RIMBP2: variants seen among roughly 807,000 people sequenced by gnomAD.
RIMBP2 encodes the protein RIMS-binding protein 2.
In RIMBP2, 48 loss-of-function variants were observed where a neutral mutation model predicts 118.6. That is an observed-to-expected ratio of 0.40 (90% confidence interval 0.32 to 0.51). RIMBP2 has a LOEUF of 0.51. Among genes scored for constraint, RIMBP2 ranks in the 20% least tolerant of loss-of-function variants. The pLI is 0.41. For missense variants in RIMBP2, 1,551 were observed against 1,768.3 expected (o/e 0.88, Z 2.20); for synonymous variants, 762 against 742.9 (o/e 1.03, Z -0.42).
At chr12:130,470,628 G>T in intron 6 of RIMBP2, 65 bp downstream of exon 6, 1 of 874,866 alleles carries the variant, frequency 1.1e-6, no homozygotes, top group Non-Finnish European at 1.5e-6. Flanking sequence ...ATTTCTAGCA[G>T]GCATCAGGGC....
rs1006471765 is a variant in RIMBP2 at position 130,525,167 on chromosome 12, C to T, written c.-216-7250G>A. On this transcript the variant is annotated intron_variant, in intron 2 of 22. Coordinates refer to ENST00000690449, the MANE Select transcript of RIMBP2 (RefSeq NM_001393629.1). This position sits in a 1 kb window ranked among gnomAD's most constrained non-coding sequence, Gnocchi z 4.4. Reference sequence around the variant, plus strand: ...CCAAGCATCACAAATGGGCATGAGCCGTTCCTGTAGAGTGCAGGGCAGAAG... The same window carrying T: ...CCAAGCATCACAAATGGGCATGAGCTGTTCCTGTAGAGTGCAGGGCAGAAG... Among the ~76,000 whole-genome samples the T allele has an allele frequency of 6.6e-5, 10 of 152,326 alleles. No homozygotes were observed. The highest frequency in any genetic ancestry group is 1.9e-4 in the East Asian group (1 of 5,172).
Position 130,424,836 on chromosome 12 carries a change from G to A in RIMBP2, c.2435C>T (p.Ser812Leu), listed in dbSNP as rs869174. ...ALKDCTDHRT[S>L]EGTFWEQPEF... ...GGGCTGCTCCCAGAAAGTGCCTTCC[G>A]AGGTCCTATGGTCAGTGCAGTCCTT... Residue 812 changes from serine to leucine, a missense_variant, in exon 16 of 23, where the codon TCG becomes TTG. Ser to Leu is a moderately radical substitution (Grantham distance 145). This residue lies in a region of RIMBP2 where 1,038 missense variants were observed against 1,125.1 expected (regional missense o/e 0.92). Coordinates refer to ENST00000690449, the MANE Select transcript of RIMBP2 (RefSeq NM_001393629.1). The surrounding 1 kb of genome is among the most constrained non-coding windows in gnomAD (Gnocchi z 9.8). 6,711 of 1,232,618 alleles carry A rather than the reference G, an allele frequency of 5.4e-3. 21 individuals carry two copies. The highest frequency in any genetic ancestry group is 0.013 in the Middle Eastern group (41 of 3,214). The allele number at this position is 1,232,618 out of a possible 1,614,324, so 76.4% of individuals were successfully genotyped here.
At chr12:130,705,575 C>T (rs1457857601) in intron 1 of RIMBP2, among the ~76,000 whole-genome samples, 7 of 152,242 alleles carry the variant, frequency 4.6e-5, no homozygotes, top group South Asian at 2.1e-4. Flanking sequence ...TCCTCACTAA[C>T]GAACAACTCA....
At chr12:130,692,859 G>A (rs1221266067) in intron 1 of RIMBP2, among the ~76,000 whole-genome samples, 2 of 133,802 alleles carry the variant, frequency 1.5e-5, no homozygotes, top group Admixed American at 1.4e-4. Context: ...GATAGGGTAG[G>A]GTAGGGTAGG....
chr12:130,412,033 G>A (rs185327424), intron 19 of RIMBP2, among the ~76,000 whole-genome samples: 118 of 152,080 alleles, frequency 7.8e-4, no homozygotes, highest in African/African-American at 2.8e-3. Flanking sequence ...TTTTTTTAAT[G>A]AGGACATTGT....
chr12:130,457,428 T>A (rs959871375), intron 6 of RIMBP2, among the ~76,000 whole-genome samples: 2 of 152,168 alleles, frequency 1.3e-5, no homozygotes, highest in Non-Finnish European at 2.9e-5. Flanking sequence ...CTGTGTCCAG[T>A]CTCGGGACAT....
In RIMBP2 at chr12:130,424,548, C is replaced by T. The variant is rs1448298241; in HGVS notation, c.2723G>A (p.Arg908Gln). 7.3e-6 allele frequency: 9 copies of T among 1,231,980 alleles called. No individual in the cohort carries two copies. The highest frequency in any genetic ancestry group is 8.4e-5 in the Admixed American group (2 of 23,728). The allele number at this position is 1,231,980 out of a possible 1,614,324, so 76.3% of individuals were successfully genotyped here. The change falls in exon 16 of 23, where the codon CGG (arginine) becomes CAG (glutamine). Residue 908 changes from arginine (R) to glutamine (Q), a missense_variant. Physicochemically the swap from Arg to Gln is conservative, Grantham distance 43. Around this residue, in one of 5 missense-constraint regions of RIMBP2, gnomAD observed 1,038 missense variants for 1,125.1 expected, o/e 0.92. Transcript: ENST00000690449. The surrounding 1 kb of genome is among the most constrained non-coding windows in gnomAD (Gnocchi z 9.8). Reference protein sequence around the residue: ...EDFLLEDRGCRFSRSATRSPD... With the variant: ...EDFLLEDRGCQFSRSATRSPD... The stretch of plus-strand genomic sequence containing the variant: ...GCTCCGGGTGGCCGAGCGGCTGAAC[C>T]GACAGCCCCTGTCTTCCAGAAGGAA...
At chr12:130,478,823 G>A (rs887062937) in intron 5 of RIMBP2, 89 bp downstream of exon 5, 55 of 881,630 alleles carry the variant, frequency 6.2e-5, no homozygotes, top group Middle Eastern at 3.5e-4. Flanking sequence ...AGCCAAGGCC[G>A]CAGGTCGGCC....
rs191237119 is a variant in RIMBP2, at chr12:130,647,293, G to C, written c.-351-18837C>G. 2.0e-5 allele frequency among the ~76,000 whole-genome samples: 3 copies of C among 152,284 alleles called. No individual in the cohort carries two copies. In the East Asian group the frequency reaches 5.8e-4, roughly 29 times the overall value. ...CAGGAGACTCTCTTGAACCCGGGGGGTGGAGGTTGCAGTGAGCTGAGATCG... is the reference window on the plus strand; with the variant it reads ...CAGGAGACTCTCTTGAACCCGGGGGCTGGAGGTTGCAGTGAGCTGAGATCG... On this transcript the variant is annotated intron_variant, in intron 1 of 22. Coordinates refer to ENST00000690449, the MANE Select transcript of RIMBP2 (RefSeq NM_001393629.1).
chr12:130,657,717 G>A (rs7962460), intron 1 of RIMBP2: 5,717 of 79,792 alleles, frequency 0.072, 419 homozygotes, highest in African/African-American at 0.19. Flanking sequence ...CAGTGAGGGC[G>A]GAGGATGGAG....
At chr12:130,696,307 G>A (rs2065574591) in intron 1 of RIMBP2, among the ~76,000 whole-genome samples, 1 of 152,236 alleles carries the variant, frequency 6.6e-6, no homozygotes. Flanking sequence ...CCGCTGATGG[G>A]AGTCTGGGGG....
intron 6 of RIMBP2, 51 bp from the exon 7 acceptor site, chr12:130,456,751 A>C (rs2079480601): frequency 7.1e-7 from 1 of 1,402,890 alleles, no homozygotes; most frequent in East Asian, 2.4e-5. Context: ...TGGTGGTGGA[A>C]ATGTGTGTGC....
Position 130,483,174 on chromosome 12 carries a change from CCACTGTGTGTGTACATGTGTCA to C in RIMBP2, c.-3-4180_-3-4159del, listed in dbSNP as rs1360426266. Among the ~76,000 whole-genome samples, 349 of 111,820 alleles carry C rather than the reference CCACTGTGTGTGTACATGTGTCA, an allele frequency of 3.1e-3. 37 individuals carry two copies. The highest frequency in any genetic ancestry group is 9.9e-3 in the African/African-American group (311 of 31,506). 73.4% of individuals were successfully genotyped at this position (111,820 alleles called of 152,430 possible). A position where few individuals can be genotyped will look rare whatever the true frequency, so the allele number is the denominator to read the frequency against. On this transcript the variant is annotated intron_variant, in intron 4 of 22. Coordinates refer to ENST00000690449, the MANE Select transcript of RIMBP2 (RefSeq NM_001393629.1). ...GGGGGCAGACCTCATCCAAATACAC[CCACTGTGTGTGTACATGTGTCA>C]GATTCTGCAGGGGAGGGGGCAGACC...
At chr12:130,428,462 G>A (rs768278112) in intron 14 of RIMBP2, 125 bp from the exon 15 acceptor site, 77 of 951,178 alleles carry the variant, frequency 8.1e-5, no homozygotes, top group Non-Finnish European at 1.1e-4. Context: ...CTAGAGACGG[G>A]CACAGGGTGT....
At chr12:130,603,830 A>G (rs2060005896) in intron 2 of RIMBP2, among the ~76,000 whole-genome samples, 1 of 152,176 alleles carries the variant, frequency 6.6e-6, no homozygotes, top group South Asian at 2.1e-4. Flanking sequence ...AGCACATATG[A>G]TCCTGCAAAG....
intron 1 of RIMBP2, among the ~76,000 whole-genome samples, chr12:130,680,146 A>G (rs529357313): frequency 6.6e-6 from 1 of 152,394 alleles, no homozygotes; most frequent in South Asian, 2.1e-4. Context: ...CTCATGCATT[A>G]TTGGTGGGAG....
In RIMBP2 at chr12:130,417,402, G is replaced by A. The variant is rs75205481; in HGVS notation, c.3239-3096C>T. On this transcript the variant is annotated intron_variant, in intron 17 of 22. Coordinates refer to ENST00000690449, the MANE Select transcript of RIMBP2 (RefSeq NM_001393629.1). ...CGTATACCACATGGAATGCTATGCA[G>A]CCAGAGAAATGAACAAAATCACGTC... is the stretch of plus-strand genomic sequence containing the variant. Among the ~76,000 whole-genome samples the A allele has an allele frequency of 5.9e-3, 897 of 152,348 alleles. 12 individuals are homozygous for A. Among genetic ancestry groups the A allele is most frequent in the African/African-American group, 0.021 (857 of 41,578 alleles).
At chr12:130,449,632 A>G (rs1004542061) in intron 9 of RIMBP2, among the ~76,000 whole-genome samples, 3 of 151,830 alleles carry the variant, frequency 2.0e-5, no homozygotes, top group African/African-American at 7.3e-5. Context: ...GCACTCATGG[A>G]CCAACCCCTG....
intron 2 of RIMBP2, among the ~76,000 whole-genome samples, chr12:130,561,287 G>A (rs1400638338): frequency 6.6e-6 from 1 of 152,164 alleles, no homozygotes; most frequent in African/African-American, 2.4e-5. Flanking sequence ...GGCAGCACTA[G>A]CAAATGAATA....
Sources: allele counts gnomAD v4.1 joint callset (sites outside exome capture counted in the v4.1 genomes callset), GRCh38; gene constraint gnomAD v4.1.1; regional missense constraint gnomAD v4.1.1; non-coding constraint Gnocchi (gnomAD v3.1); transcripts MANE v1.5; gene names NCBI Gene and HGNC (gene_info 2026-07-23, HGNC 2026-07-21).